Variants in MOCOS observed in about 807,000 individuals in gnomAD.
MOCOS encodes the protein molybdenum cofactor sulfurase.
A neutral mutation model predicts 83.6 loss-of-function variants in MOCOS; 86 were observed. That is an observed-to-expected ratio of 1.03 (90% CI 0.86 to 1.23). MOCOS has a LOEUF of 1.23. MOCOS is among the 50% of genes most tolerant of loss of function. The probability of loss-of-function intolerance (pLI) is 0.00; values close to 1 mark genes in which losing one functional copy is unlikely to be tolerated. For synonymous variants in MOCOS, 445 were observed against 434.7 expected, an observed-to-expected ratio of 1.02 and a Z score of -0.29; for missense variants, 1,120 against 1,126.9, an observed-to-expected ratio of 0.99 and a Z score of 0.09.
rs148838845 is a variant in MOCOS, at chr18:36,207,228, G to A, written c.1218+1952G>A. On this transcript the variant is annotated intron_variant, in intron 6 of 14. Coordinates refer to ENST00000261326, the MANE Select transcript of MOCOS (RefSeq NM_017947.4). Reference sequence around the variant, plus strand: ...ATTTTTGTATTTTTAGTAGAGACAGGGTTTCACCATGTTGGTCAGGCTGGT... The same window carrying A: ...ATTTTTGTATTTTTAGTAGAGACAGAGTTTCACCATGTTGGTCAGGCTGGT... Among the ~76,000 whole-genome samples the A allele has an allele frequency of 9.9e-3, 1,505 of 152,232 alleles. 27 individuals are homozygous for A. Among genetic ancestry groups the A allele is most frequent in the African/African-American group, 0.034 (1,432 of 41,548 alleles).
intron 11 of MOCOS, among the ~76,000 whole-genome samples, chr18:36,253,310 T>G (rs913407792): frequency 6.6e-6 from 1 of 152,150 alleles, no homozygotes; most frequent in Non-Finnish European, 1.5e-5. Context: ...GGCAGAATCC[T>G]CTACACCTGG....
intron 9 of MOCOS, among the ~76,000 whole-genome samples, chr18:36,225,335 A>G (rs1398076990): frequency 1.3e-5 from 2 of 152,034 alleles, no homozygotes; most frequent in African/African-American, 4.8e-5. Flanking sequence ...TACTTTTTGT[A>G]GAGAGAGGGT....
At chr18:36,243,501 G>A (rs958635352) in intron 9 of MOCOS, among the ~76,000 whole-genome samples, 2 of 152,030 alleles carry the variant, frequency 1.3e-5, no homozygotes, top group South Asian at 2.1e-4. Context: ...ATATGCTGTT[G>A]AATTTAGTTA....
At chr18:36,257,782 T>C (rs1173405637) in intron 12 of MOCOS, among the ~76,000 whole-genome samples, 1 of 152,198 alleles carries the variant, frequency 6.6e-6, no homozygotes, top group Non-Finnish European at 1.5e-5. Context: ...GTGTTGTTAG[T>C]GGCTCACCCC....
In MOCOS at chr18:36,205,203, G is replaced by A. The variant is rs756470128; in HGVS notation, c.1145G>A (p.Ser382Asn). The A allele has an allele frequency of 6.2e-7, 1 of 1,613,826 alleles. No homozygotes were observed. The highest frequency in any genetic ancestry group is 8.5e-7 in the Non-Finnish European group (1 of 1,179,972). The change falls in exon 6 of 15, where the codon AGC (serine) becomes AAC (asparagine). Residue 382 changes from serine (S) to asparagine (N), a missense_variant. By Grantham distance (46) the Ser-to-Asn change is conservative. Coordinates refer to ENST00000261326, the MANE Select transcript of MOCOS (RefSeq NM_017947.4). ...ATTTACAGCGATTCTGAGTTCAGCA[G>A]CCCTGAGGTTCAGGGCCCAATCATC... ...VRIYSDSEFS[S>N]PEVQGPIINF...
intron 12 of MOCOS, 147 bp from the exon 13 acceptor site, chr18:36,259,890 G>T: frequency 8.7e-7 from 1 of 1,146,378 alleles, no homozygotes. Flanking sequence ...TTGCACTCAT[G>T]GTAAAAGTCT....
chr18:36,231,592 T>C (rs2091537921), intron 9 of MOCOS, among the ~76,000 whole-genome samples: 1 of 152,224 alleles, frequency 6.6e-6, no homozygotes, highest in Non-Finnish European at 1.5e-5. Flanking sequence ...ATAACGATGA[T>C]TGATGCAGGA....
intron 14 of MOCOS, 26 bp from the exon 15 acceptor site, chr18:36,268,507 T>G (rs544534699): frequency 1.2e-6 from 2 of 1,613,990 alleles, no homozygotes; most frequent in Admixed American, 3.3e-5. Context: ...TAGCCTTTTT[T>G]GTTGTTGTTG....
intron 8 of MOCOS, among the ~76,000 whole-genome samples, chr18:36,217,451 G>C (rs2091479722): frequency 6.6e-6 from 1 of 151,922 alleles, no homozygotes; most frequent in Non-Finnish European, 1.5e-5. Context: ...GGGTAGCTGG[G>C]CTCCCTTATG....
At chr18:36,222,747 G>A (rs978288682) in intron 9 of MOCOS, among the ~76,000 whole-genome samples, 10 of 151,364 alleles carry the variant, frequency 6.6e-5, no homozygotes, top group Admixed American at 5.3e-4. Context: ...GACTACAGGC[G>A]CCCGCCACTA....
In MOCOS at chr18:36,252,559, A is replaced by G. The variant is rs188952845; in HGVS notation, c.2164+1276A>G. Among the ~76,000 whole-genome samples, 493 of 151,862 alleles carry G rather than the reference A, an allele frequency of 3.2e-3. 2 individuals are homozygous for G. The highest frequency in any genetic ancestry group is 0.011 in the African/African-American group (456 of 41,384). On this transcript the variant is annotated intron_variant, in intron 11 of 14. Transcript: ENST00000261326. ...GGTGACAAAGCGAGACTCTGTCTCA[A>G]AAAAAAATTTAAAAAATTGCTAGGT... is the stretch of plus-strand genomic sequence containing the variant.
chr18:36,220,230 C>T lies in MOCOS; in HGVS notation c.1960+13C>T, dbSNP rs780074634. ...ATCAAAGCCAAAGGTGGGAAAACTG[C>T]TTCATTTTCACAGAGCAGCTCCCAA... On this transcript the variant is annotated intron_variant, in intron 9 of 14. Transcript: ENST00000261326. The T allele has an allele frequency of 9.3e-6, 15 of 1,613,944 alleles. No homozygotes were observed. In the South Asian group the frequency reaches 1.5e-4, roughly 17 times the overall value.
chr18:36,228,719 T>A, intron 9 of MOCOS, among the ~76,000 whole-genome samples: 1 of 149,596 alleles, frequency 6.7e-6, no homozygotes, highest in Admixed American at 6.7e-5. Flanking sequence ...TCAGGAAAAA[T>A]AACTAATGAG....
At chr18:36,209,895 G>C (rs2091448007) in intron 6 of MOCOS, among the ~76,000 whole-genome samples, 1 of 152,066 alleles carries the variant, frequency 6.6e-6, no homozygotes, top group African/African-American at 2.4e-5. Context: ...GTAGAGACAG[G>C]GTTTTGTCAT....
chr18:36,193,125 C>G (rs1322472418), intron 1 of MOCOS, among the ~76,000 whole-genome samples: 1 of 149,584 alleles, frequency 6.7e-6, no homozygotes, highest in African/African-American at 2.5e-5. Flanking sequence ...TCCTGGCTAA[C>G]AAGGCGAAAC....
Position 36,270,984 on chromosome 18 carries a change from T to A in MOCOS, c.*2299T>A, listed in dbSNP as rs2091697471. The A allele has an allele frequency of 6.6e-6, 1 of 151,358 alleles. No homozygotes were observed. The highest frequency in any genetic ancestry group is 6.6e-5 in the Admixed American group (1 of 15,202). The allele number at this position is 151,358 out of a possible 1,614,324, so 9.4% of individuals were successfully genotyped here. On this transcript the variant is annotated 3_prime_UTR_variant, in exon 15 of 15. Transcript: ENST00000261326. ...CACACATCACCACATCCAGCTAATT[T>A]TTTTTTTCTTTTTTTTCTTTTTGGT...
rs2144896135 is a variant in MOCOS, at chr18:36,195,326, A to T, written c.212A>T (p.Asp71Val). ...AGCCAGCTCGAAAGCTTCACTAGTG[A>T]TCTCATGGAAAACACTTATGGTAAA... The part of the protein sequence containing the change: ...SQSQLESFTS[D>V]LMENTYGNPH... Residue 71 changes from aspartate to valine, a missense_variant, in exon 2 of 15, where the codon GAT (aspartate) becomes GTT (valine). Asp to Val is a radical substitution (Grantham distance 152). Coordinates refer to ENST00000261326, the MANE Select transcript of MOCOS (RefSeq NM_017947.4). The T allele has an allele frequency of 6.2e-7, 1 of 1,614,086 alleles. No homozygotes were observed. The highest frequency in any genetic ancestry group is 1.1e-5 in the South Asian group (1 of 91,082).
chr18:36,253,560 G>T (rs59825673), intron 11 of MOCOS, among the ~76,000 whole-genome samples: 2,389 of 152,150 alleles, frequency 0.016, 55 homozygotes, highest in African/African-American at 0.054. Flanking sequence ...CAGCTACTTG[G>T]GAGGCTGAGG....
intron 10 of MOCOS, among the ~76,000 whole-genome samples, chr18:36,249,503 G>C (rs2091614498): frequency 6.6e-6 from 1 of 152,122 alleles, no homozygotes; most frequent in Non-Finnish European, 1.5e-5. Flanking sequence ...GACAGTGTGG[G>C]GTGGGAAGAA....
Sources: gnomAD v4.1 joint callset for allele counts (sites outside exome capture counted in the v4.1 genomes callset) on GRCh38, gnomAD v4.1.1 for gene constraint, MANE v1.5 for transcripts, NCBI Gene and HGNC (gene_info 2026-07-23, HGNC 2026-07-21) for gene names.